Variants in NPAS2 observed in about 807,000 individuals in gnomAD.
NPAS2 encodes neuronal PAS domain-containing protein 2.
A neutral mutation model predicts 107.5 loss-of-function variants in NPAS2; 23 were observed. That is an observed-to-expected ratio of 0.21 (90% CI 0.15 to 0.30). The LOEUF (loss-of-function observed/expected upper bound fraction) is 0.30. Ranked by LOEUF, NPAS2 falls within the 10% of genes least tolerant of loss-of-function variation. NPAS2 has a pLI of 1.00. For missense variants in NPAS2, 756 were observed against 1,043.3 expected (o/e 0.72, Z 3.79); for synonymous variants, 403 against 417.5 (o/e 0.97, Z 0.42).
At chr2:100,917,715 T>C (rs1324347930) in intron 2 of NPAS2, among the ~76,000 whole-genome samples, 1 of 151,998 alleles carries the variant, frequency 6.6e-6, no homozygotes, top group Non-Finnish European at 1.5e-5. Context: ...TTAGATGAAA[T>C]GGGCCAATTA....
chr2:100,954,837 T>G (rs905468426), intron 7 of NPAS2, among the ~76,000 whole-genome samples: 9 of 151,758 alleles, frequency 5.9e-5, no homozygotes, highest in Non-Finnish European at 1.0e-4. Flanking sequence ...AGAAGAAAAA[T>G]GACCACTAAC....
chr2:100,863,661 T>TA (rs1405432110), intron 1 of NPAS2, among the ~76,000 whole-genome samples: 2 of 152,258 alleles, frequency 1.3e-5, no homozygotes, highest in Non-Finnish European at 1.5e-5. Context: ...AAATAAATGC[T>TA]AACGAGTTGC....
At chr2:100,921,244 C>T (rs541938643) in intron 2 of NPAS2, among the ~76,000 whole-genome samples, 4 of 152,350 alleles carry the variant, frequency 2.6e-5, no homozygotes, top group East Asian at 3.9e-4. Context: ...GTTACACAGC[C>T]TCTCAGTGCC....
chr2:100,971,167 A>T (rs1676525065), intron 12 of NPAS2, 93 bp downstream of exon 12: 9 of 1,197,004 alleles, frequency 7.5e-6, no homozygotes, highest in Non-Finnish European at 9.8e-6. Context: ...CTTTTCATCA[A>T]TGGAAGGGTA....
intron 1 of NPAS2, among the ~76,000 whole-genome samples, chr2:100,864,159 C>T (rs185454932): frequency 1.3e-5 from 2 of 152,280 alleles, no homozygotes; most frequent in African/African-American, 2.4e-5. Context: ...GTGAGTTATT[C>T]ATAATTCAGA....
intron 2 of NPAS2, among the ~76,000 whole-genome samples, chr2:100,920,027 G>A (rs919536198): frequency 5.3e-5 from 8 of 152,194 alleles, no homozygotes; most frequent in Non-Finnish European, 1.2e-4. Context: ...CATATCGCTT[G>A]ATGGAGCGCC....
At chr2:100,922,835 A>G (rs1481440599) in intron 2 of NPAS2, among the ~76,000 whole-genome samples, 1 of 152,194 alleles carries the variant, frequency 6.6e-6, no homozygotes, top group Non-Finnish European at 1.5e-5. Context: ...CTCTGTCACT[A>G]ACGATAGGAG....
chr2:100,979,387 A>C (rs1327299619), intron 15 of NPAS2, among the ~76,000 whole-genome samples: 1 of 151,090 alleles, frequency 6.6e-6, no homozygotes, highest in East Asian at 1.9e-4. Context: ...CTGTGTTTAC[A>C]AGACACGATG....
chr2:100,892,265 G>A (rs981116925), intron 1 of NPAS2, among the ~76,000 whole-genome samples: 3 of 151,948 alleles, frequency 2.0e-5, no homozygotes, highest in East Asian at 2.0e-4. Context: ...ACGATGTTAC[G>A]GTACATTTAC....
chr2:100,955,068 G>A (rs1397472877), intron 7 of NPAS2, among the ~76,000 whole-genome samples: 2 of 151,976 alleles, frequency 1.3e-5, no homozygotes, highest in Non-Finnish European at 2.9e-5. Flanking sequence ...AGTAGAGATG[G>A]GGTTTCGTCA....
intron 11 of NPAS2, chr2:100,970,526 G>C (rs1676475149): frequency 6.5e-6 from 1 of 154,978 alleles, no homozygotes; most frequent in African/African-American, 2.4e-5. Flanking sequence ...TCTGGATTTG[G>C]CTAGTCCGGG....
At chr2:100,880,060 G>A (rs143565407) in intron 1 of NPAS2, among the ~76,000 whole-genome samples, 3 of 152,354 alleles carry the variant, frequency 2.0e-5, no homozygotes, top group African/African-American at 7.2e-5. Context: ...AATATCTGAA[G>A]GCCAACTGCA....
chr2:100,852,580 G>A, intron 1 of NPAS2, among the ~76,000 whole-genome samples: 1 of 152,140 alleles, frequency 6.6e-6, no homozygotes, highest in African/African-American at 2.4e-5. Context: ...ACCCCATTTG[G>A]CCCCACAAAC....
chr2:100,938,541 TCCTC>T (rs1267256959), intron 5 of NPAS2, among the ~76,000 whole-genome samples: 1 of 48,144 alleles, frequency 2.1e-5, no homozygotes, highest in Non-Finnish European at 3.9e-5. Context: ...TCTTATTCCC[TCCTC>T]CCTCCCTCCC....
In NPAS2 at chr2:100,970,634, G is replaced by A. The variant is rs1364143084; in HGVS notation, c.1056-356G>A. 1.8e-4 allele frequency: 34 copies of A among 187,338 alleles called. No individual in the cohort carries two copies. In the Admixed American group the frequency reaches 1.9e-3, roughly 10 times the overall value. The allele number at this position is 187,338 out of a possible 1,614,324, so 11.6% of individuals were successfully genotyped here. On this transcript the variant is annotated intron_variant, in intron 11 of 20. Transcript: ENST00000335681. Reference sequence around the variant, plus strand: ...TCCAGACTGAGCAGGTTTTAAGAAAGCCTTCTAATTATTTAAAGGCAGAAG... The same window carrying A: ...TCCAGACTGAGCAGGTTTTAAGAAAACCTTCTAATTATTTAAAGGCAGAAG...
chr2:100,819,988 T>C (rs1675969070), upstream of NPAS2, among the ~76,000 whole-genome samples: 1 of 144,556 alleles, frequency 6.9e-6, no homozygotes, highest in Non-Finnish European at 1.5e-5. This position sits in a 1 kb window ranked among gnomAD's most constrained non-coding sequence, Gnocchi z 5.8. Context: ...TGTCCCAGGC[T>C]GGGTCGGGGC....
chr2:100,982,596 G>A (rs1262432522), intron 16 of NPAS2: 15 of 586,354 alleles, frequency 2.6e-5, no homozygotes, highest in South Asian at 1.2e-4. Flanking sequence ...CTCTTCCCTC[G>A]CCCCTCACTC....
chr2:100,902,391 T>C (rs918693233), intron 1 of NPAS2, among the ~76,000 whole-genome samples: 1 of 152,132 alleles, frequency 6.6e-6, no homozygotes, highest in African/African-American at 2.4e-5. Context: ...CACTCGGCCT[T>C]AAAAAGGAAG....
intron 15 of NPAS2, among the ~76,000 whole-genome samples, chr2:100,980,493 G>T (rs1201248599): frequency 1.3e-5 from 2 of 151,478 alleles, no homozygotes; most frequent in African/African-American, 4.9e-5. Flanking sequence ...TTTTTGAGAC[G>T]GGGTCTCACT....
Sources: gnomAD v4.1 joint callset for allele counts (sites outside exome capture counted in the v4.1 genomes callset) on GRCh38, gnomAD v4.1.1 for gene constraint, Gnocchi (gnomAD v3.1) non-coding constraint, MANE v1.5 for transcripts, NCBI Gene and HGNC (gene_info 2026-07-23, HGNC 2026-07-21) for gene names.